The following NXF3 variants were observed in gnomAD, a reference collection of about 807,000 sequenced individuals.
NXF3 encodes the protein nuclear RNA export factor 3.
In NXF3, 34 loss-of-function variants were observed where a neutral mutation model predicts 48.4. The observed-to-expected ratio is 0.70, with a 90% CI of 0.53 to 0.93. The LOEUF (loss-of-function observed/expected upper bound fraction) is 0.93. NXF3 is among the 40% of genes least tolerant of loss of function. The pLI, the probability that NXF3 is intolerant of heterozygous loss-of-function variation, is 0.00. For synonymous variants in NXF3, 132 were observed against 145.7 expected (o/e 0.91, Z 0.68); for missense variants, 359 against 406.1 (o/e 0.88, Z 1.00).
chrX:103,082,004 G>A (rs1207267973), intron 9 of NXF3: 2 of 372,560 alleles, frequency 5.4e-6, no homozygotes, highest in Non-Finnish European at 9.5e-6. Flanking sequence ...CACTCACAGA[G>A]GGCACGCTAG....
intron 1 of NXF3, among the ~76,000 whole-genome samples, chrX:103,092,219 A>G (rs1305375080): frequency 9.3e-6 from 1 of 107,355 alleles, no homozygotes; most frequent in Non-Finnish European, 1.9e-5. Context: ...TGGCTGGCTA[A>G]CTTAGTAGAA....
Position 103,082,361 on chromosome X carries a change from T to C in NXF3, c.784A>G (p.Met262Val). The change falls in exon 9 of 20, where the codon ATG becomes GTG. Residue 262 changes from methionine to valine, a missense_variant. Physicochemically the swap from Met to Val is conservative, Grantham distance 21. Coordinates refer to ENST00000395065, the MANE Select transcript of NXF3 (RefSeq NM_022052.2). The stretch of plus-strand genomic sequence containing the variant: ...CACTTGTCCATCTCCCCTGCAGACA[T>C]CACCTGCAATTATGCAGAAGAACCA... The part of the protein sequence containing the change: ...DVHEENIPTV[M>V]SAGEMDKWKG... 1.7e-6 allele frequency: 2 copies of C among 1,176,237 alleles called. No homozygotes were observed. The highest frequency in any genetic ancestry group is 2.3e-6 in the Non-Finnish European group (2 of 864,934).
At chrX:103,076,097 C>G (rs1214226525) in intron 19 of NXF3, 97 bp from the exon 20 acceptor site, 1 of 453,809 alleles carries the variant, frequency 2.2e-6, no homozygotes, top group Non-Finnish European at 3.9e-6. Flanking sequence ...CTAGGTCAGT[C>G]TGTGTGAGGG....
At chrX:103,084,995 G>A in intron 1 of NXF3, 112 bp from the exon 2 acceptor site, 1 of 736,222 alleles carries the variant, frequency 1.4e-6, no homozygotes, top group Non-Finnish European at 2.0e-6. Flanking sequence ...GTCAGGATCT[G>A]GCTCTACTGC....
chrX:103,086,952 C>T (rs1480993503), intron 1 of NXF3, among the ~76,000 whole-genome samples: 2 of 112,343 alleles, frequency 1.8e-5, no homozygotes, highest in Admixed American at 9.4e-5. Context: ...CCTGGGCCCT[C>T]GCCAGCTCCA....
intron 1 of NXF3, 60 bp downstream of exon 1, chrX:103,092,936 G>C: frequency 3.6e-6 from 4 of 1,100,254 alleles, no homozygotes; most frequent in South Asian, 3.8e-5. Flanking sequence ...GTGGGGAAGG[G>C]GGCTCAGTCC....
At chrX:103,090,040 T>C (rs1382061312) in intron 1 of NXF3, among the ~76,000 whole-genome samples, 1 of 111,700 alleles carries the variant, frequency 9.0e-6, no homozygotes, top group African/African-American at 3.2e-5. Context: ...ATAGTCTTTT[T>C]CATAATATGT....
At chrX:103,088,478 G>C (rs779204944) in intron 1 of NXF3, 13 of 991,417 alleles carry the variant, frequency 1.3e-5, no homozygotes, top group Non-Finnish European at 1.5e-5. Context: ...CCTTACTACA[G>C]CAAACTTATT....
intron 1 of NXF3, chrX:103,087,513 C>G: frequency 9.8e-7 from 1 of 1,015,374 alleles, no homozygotes; most frequent in South Asian, 1.9e-5. Context: ...ACAATGAAAC[C>G]TATCAGAATA....
chrX:103,088,410 C>T (rs750327675), intron 1 of NXF3: 5 of 616,770 alleles, frequency 8.1e-6, no homozygotes, highest in Non-Finnish European at 1.3e-5. Flanking sequence ...ATTGACTTTG[C>T]GATTTTCTTG....
In NXF3 at chrX:103,084,346, A is replaced by G; in HGVS notation, c.347T>C (p.Ile116Thr). ...CCACTTTGCCAGGACACTCACTGTGATCTTGAACCAGCTCCCTAAGGTCCC... is the reference window on the plus strand; with the variant it reads ...CCACTTTGCCAGGACACTCACTGTGGTCTTGAACCAGCTCCCTAAGGTCCC... Reference protein sequence around the residue: ...PDGTLGSWFKITVPFGIKYNE... With the variant: ...PDGTLGSWFKTTVPFGIKYNE... Residue 116 changes from isoleucine to threonine, a missense_variant, in exon 3 of 20, where the codon ATC (isoleucine) becomes ACC (threonine). Coordinates refer to ENST00000395065, the MANE Select transcript of NXF3 (RefSeq NM_022052.2). 8.3e-7 allele frequency: 1 copy of G among 1,211,058 alleles called. No homozygotes were observed. The highest frequency in any genetic ancestry group is 1.1e-6 in the Non-Finnish European group (1 of 895,295).
At chrX:103,091,984 C>CAAAAAAAAAAAAAAAAAAAAAAAAAA (rs59377364) in intron 1 of NXF3, among the ~76,000 whole-genome samples, 1 of 47,811 alleles carries the variant, frequency 2.1e-5, no homozygotes, top group Non-Finnish European at 3.7e-5. Flanking sequence ...GACTCCATCA[C>CAAAAAAAAAAAAAAAAAAAAAAAAAA]AAAAAAAAAA....
At chrX:103,081,847 G>C (rs1190651631) in intron 9 of NXF3, 1 of 133,538 alleles carries the variant, frequency 7.5e-6, no homozygotes, top group African/African-American at 3.1e-5. Context: ...CTCTCGGGAC[G>C]GAGGAGGGAA....
At chrX:103,090,133 C>T (rs1705170563) in intron 1 of NXF3, among the ~76,000 whole-genome samples, 1 of 111,758 alleles carries the variant, frequency 8.9e-6, no homozygotes, top group South Asian at 3.7e-4. Context: ...ATTTAAGACT[C>T]TATTCTAGAG....
chrX:103,087,652 G>A, intron 1 of NXF3: 1 of 1,010,462 alleles, frequency 9.9e-7, no homozygotes, highest in Non-Finnish European at 1.4e-6. Flanking sequence ...CATATAGCAT[G>A]AAGAGAAGAA....
chrX:103,092,396 T>C (rs1267680273), intron 1 of NXF3, among the ~76,000 whole-genome samples: 5 of 112,182 alleles, frequency 4.5e-5, no homozygotes, highest in African/African-American at 1.6e-4. Context: ...TTTGTATGCA[T>C]GTCTTAACAT....
chrX:103,082,703 T>A, intron 8 of NXF3, 57 bp downstream of exon 8: 2 of 958,138 alleles, frequency 2.1e-6, no homozygotes, highest in Non-Finnish European at 3.0e-6. Flanking sequence ...CCAATTAGCC[T>A]CCTAGCTAAT....
At chrX:103,084,586 TA>T in intron 2 of NXF3, 91 bp from the exon 3 acceptor site, 1 of 1,131,510 alleles carries the variant, frequency 8.8e-7, no homozygotes, top group Non-Finnish European at 1.2e-6. Flanking sequence ...ACAATGAAGT[TA>T]AATCAACCAT....
At chrX:103,076,048 C>T in intron 19 of NXF3, 48 bp from the exon 20 acceptor site, 1 of 401,215 alleles carries the variant, frequency 2.5e-6, no homozygotes, top group South Asian at 5.0e-5. Flanking sequence ...AAGATTATGA[C>T]ACTTAAGGAT....
Sources: allele counts gnomAD v4.1 joint callset (sites outside exome capture counted in the v4.1 genomes callset), GRCh38; gene constraint gnomAD v4.1.1; transcripts MANE v1.5; gene names NCBI Gene and HGNC (gene_info 2026-07-23, HGNC 2026-07-21).